Variants in NRP1 observed in about 807,000 individuals in gnomAD.
NRP1 encodes the protein neuropilin 1.
NRP1 carries 35 observed loss-of-function variants against 106.7 expected under a neutral mutation model. That is an observed-to-expected ratio of 0.33 (90% CI 0.25 to 0.43). NRP1 has a LOEUF of 0.43. Ranked by LOEUF, NRP1 falls within the 20% of genes least tolerant of loss-of-function variation. The pLI is 1.00. For synonymous variants in NRP1, 437 were observed against 417.9 expected (o/e 1.05, Z -0.56); for missense variants, 1,024 against 1,170.4 (o/e 0.87, Z 1.83).
intron 1 of NRP1, among the ~76,000 whole-genome samples, chr10:33,332,284 A>G (rs965568290): frequency 2.0e-5 from 3 of 152,176 alleles, no homozygotes; most frequent in African/African-American, 7.2e-5. Flanking sequence ...GGAAGAAATG[A>G]TGTTGCAACT....
At chr10:33,332,283 G>A (rs1848338677) in intron 1 of NRP1, among the ~76,000 whole-genome samples, 1 of 152,172 alleles carries the variant, frequency 6.6e-6, no homozygotes, top group African/African-American at 2.4e-5. Context: ...AGGAAGAAAT[G>A]ATGTTGCAAC....
In NRP1 at chr10:33,301,238, T is replaced by G. The variant is rs1845781620; in HGVS notation, c.248+29470A>C. ...GTCGAGGGCTTGACAGCCTGTTCGC[T>G]TGGCTCCTCTGTCCTGAGATTACAT... On this transcript the variant is annotated intron_variant, in intron 2 of 16. Transcript: ENST00000374867. Among the ~76,000 whole-genome samples, 3 of 152,228 alleles carry G rather than the reference T, an allele frequency of 2.0e-5. No homozygotes were observed. In the South Asian group the frequency reaches 6.2e-4, roughly 32 times the overall value.
At chr10:33,316,342 G>A (rs1847035900) in intron 2 of NRP1, among the ~76,000 whole-genome samples, 2 of 152,200 alleles carry the variant, frequency 1.3e-5, no homozygotes, top group Non-Finnish European at 2.9e-5. Flanking sequence ...ATTTGGGTAA[G>A]TAGGAAATGA....
At chr10:33,255,760 G>T (rs1413160912) in intron 5 of NRP1, among the ~76,000 whole-genome samples, 1 of 152,056 alleles carries the variant, frequency 6.6e-6, no homozygotes, top group African/African-American at 2.4e-5. Flanking sequence ...CTTATTCTTT[G>T]TTCTTTCAGA....
intron 1 of NRP1, among the ~76,000 whole-genome samples, chr10:33,331,545 C>T (rs547235736): frequency 6.9e-4 from 105 of 152,258 alleles, no homozygotes; most frequent in South Asian, 1.0e-3. Context: ...ATCAAAGCAA[C>T]GGGGCAGAAG....
At chr10:33,284,619 C>A (rs912776983) in intron 2 of NRP1, among the ~76,000 whole-genome samples, 2 of 151,832 alleles carry the variant, frequency 1.3e-5, no homozygotes, top group African/African-American at 4.8e-5. Flanking sequence ...TTATTGTTTT[C>A]ATCACTTTCT....
At chr10:33,300,768 C>T (rs1845745759) in intron 2 of NRP1, among the ~76,000 whole-genome samples, 1 of 152,132 alleles carries the variant, frequency 6.6e-6, no homozygotes, top group Non-Finnish European at 1.5e-5. Context: ...CCTGGAAGCC[C>T]CTCCCCTGCT....
At chr10:33,241,251 G>T (rs897528860) in intron 6 of NRP1, among the ~76,000 whole-genome samples, 4 of 152,168 alleles carry the variant, frequency 2.6e-5, no homozygotes, top group Admixed American at 2.6e-4. Flanking sequence ...AAAGGGGCAA[G>T]GCATAGCATT....
chr10:33,323,950 C>G (rs10827235), intron 2 of NRP1, among the ~76,000 whole-genome samples: 11,802 of 152,182 alleles, frequency 0.078, 716 homozygotes, highest in East Asian at 0.28. Flanking sequence ...TGCCTGCTCC[C>G]TAAAGTGAAA....
At chr10:33,291,591 A>G (rs1467378234) in intron 2 of NRP1, among the ~76,000 whole-genome samples, 2 of 152,228 alleles carry the variant, frequency 1.3e-5, no homozygotes, top group African/African-American at 2.4e-5. Context: ...TCAGTAAGAA[A>G]TTAGTAGGAG....
intron 2 of NRP1, among the ~76,000 whole-genome samples, chr10:33,313,498 C>G (rs1315620995): frequency 2.6e-5 from 4 of 151,860 alleles, no homozygotes; most frequent in Non-Finnish European, 5.9e-5. Context: ...TGCTACATAC[C>G]CAAAAATTAA....
At chr10:33,236,497 C>T (rs562344670) in intron 6 of NRP1, among the ~76,000 whole-genome samples, 18 of 152,254 alleles carry the variant, frequency 1.2e-4, no homozygotes, top group African/African-American at 4.1e-4. Flanking sequence ...GGAAAGTATT[C>T]GTCTAGTAGA....
chr10:33,296,384 T>C (rs1223821244), intron 2 of NRP1, among the ~76,000 whole-genome samples: 1 of 152,154 alleles, frequency 6.6e-6, no homozygotes, highest in Non-Finnish European at 1.5e-5. Flanking sequence ...AAAAGTACTC[T>C]TTTCATCTTA....
chr10:33,226,113 C>A (rs768485877), intron 7 of NRP1, 21 bp downstream of exon 7: 1 of 1,612,150 alleles, frequency 6.2e-7, no homozygotes, highest in Non-Finnish European at 8.5e-7. Flanking sequence ...AATTGGTTGC[C>A]ACGGTGGCAG....
intron 6 of NRP1, among the ~76,000 whole-genome samples, chr10:33,239,883 C>CA (rs1308443928): frequency 6.6e-6 from 1 of 152,220 alleles, no homozygotes; most frequent in Non-Finnish European, 1.5e-5. Flanking sequence ...CCTGGTATCT[C>CA]AGACTTCTCC....
At chr10:33,182,259 G>T (rs1835732418) in intron 16 of NRP1, among the ~76,000 whole-genome samples, 1 of 152,118 alleles carries the variant, frequency 6.6e-6, no homozygotes, top group Non-Finnish European at 1.5e-5. Context: ...CAGAAATTGG[G>T]CTCTGGTCTC....
chr10:33,256,588 G>A, intron 4 of NRP1, 117 bp from the exon 5 acceptor site: 2 of 1,097,982 alleles, frequency 1.8e-6, no homozygotes, highest in Non-Finnish European at 2.6e-6. Context: ...CTAACCCAAA[G>A]CAAGGCTTCC....
intron 12 of NRP1, among the ~76,000 whole-genome samples, chr10:33,192,793 A>G (rs1049783582): frequency 1.5e-4 from 23 of 152,340 alleles, no homozygotes; most frequent in East Asian, 7.7e-4. Context: ...GATAAATCAT[A>G]TAAGTTGATA....
intron 6 of NRP1, 28 bp from the exon 7 acceptor site, chr10:33,226,317 T>G (rs775581913): frequency 6.2e-6 from 10 of 1,612,766 alleles, no homozygotes; most frequent in Middle Eastern, 1.7e-4. Context: ...GCGTGGTCAG[T>G]GCACCATCCC....
Sources: gnomAD v4.1 joint callset for allele counts (sites outside exome capture counted in the v4.1 genomes callset) on GRCh38, gnomAD v4.1.1 for gene constraint, MANE v1.5 for transcripts, NCBI Gene and HGNC (gene_info 2026-07-23, HGNC 2026-07-21) for gene names.